The following ADAM23 variants were observed in gnomAD, a reference collection of about 807,000 sequenced individuals.
ADAM23 encodes ADAM metallopeptidase domain 23.
In ADAM23, 33 loss-of-function variants were observed where a neutral mutation model predicts 120.1. The observed-to-expected ratio is 0.27, with a 90% CI of 0.21 to 0.37. The LOEUF (loss-of-function observed/expected upper bound fraction) is 0.37, where lower values mean the gene tolerates loss of function less well. Among genes scored for constraint, ADAM23 ranks in the 10% least tolerant of loss-of-function variants. The pLI is 1.00. For missense variants in ADAM23, 862 were observed against 1,058.2 expected (o/e 0.81, Z 2.57); for synonymous variants, 367 against 375.2 (o/e 0.98, Z 0.25).
intron 24 of ADAM23, among the ~76,000 whole-genome samples, chr2:206,599,139 AG>A (rs958140304): frequency 6.8e-6 from 1 of 147,782 alleles, no homozygotes; most frequent in African/African-American, 2.5e-5. Context: ...CAGGAGGTGG[AG>A]GTTACAGTGA....
chr2:206,546,887 G>A (rs1187402459), intron 6 of ADAM23, among the ~76,000 whole-genome samples: 2 of 152,078 alleles, frequency 1.3e-5, no homozygotes, highest in Non-Finnish European at 2.9e-5. Context: ...ATTCCTAAAA[G>A]CATAATTTCT....
chr2:206,605,313 A>G (rs1186172387), intron 24 of ADAM23, among the ~76,000 whole-genome samples: 1 of 152,220 alleles, frequency 6.6e-6, no homozygotes, highest in Non-Finnish European at 1.5e-5. Flanking sequence ...TTTACTTTTA[A>G]AGCTATTCTG....
chr2:206,579,803 G>A (rs1698186713), intron 18 of ADAM23, among the ~76,000 whole-genome samples: 1 of 152,138 alleles, frequency 6.6e-6, no homozygotes, highest in South Asian at 2.1e-4. Context: ...TGTTGAATTT[G>A]TAGATTGCTT....
At chr2:206,594,161 C>T (rs1698476510) in intron 22 of ADAM23, among the ~76,000 whole-genome samples, 1 of 151,920 alleles carries the variant, frequency 6.6e-6, no homozygotes, top group South Asian at 2.1e-4. Context: ...CATTCTATGA[C>T]ATTTGCACAA....
intron 2 of ADAM23, among the ~76,000 whole-genome samples, chr2:206,466,041 C>G (rs888532478): frequency 6.6e-6 from 1 of 151,976 alleles, no homozygotes; most frequent in African/African-American, 2.4e-5. Flanking sequence ...TTTAAAAATT[C>G]CTAAAATGAG....
intron 4 of ADAM23, among the ~76,000 whole-genome samples, chr2:206,539,728 CTCTT>C (rs1697252671): frequency 6.6e-6 from 1 of 152,140 alleles, no homozygotes. Flanking sequence ...AGATGGATTG[CTCTT>C]TCTCTCTCAG....
At chr2:206,547,395 G>A in intron 6 of ADAM23, 34 bp from the exon 7 acceptor site, 1 of 1,570,218 alleles carries the variant, frequency 6.4e-7, no homozygotes, top group Non-Finnish European at 8.7e-7. Context: ...TTCACATCTT[G>A]CTTTCTAAAT....
intron 3 of ADAM23, among the ~76,000 whole-genome samples, chr2:206,505,018 G>A (rs1290300681): frequency 2.6e-5 from 4 of 152,222 alleles, no homozygotes; most frequent in Non-Finnish European, 5.9e-5. Flanking sequence ...GAGGTCTTCA[G>A]TACCAGATTT....
chr2:206,556,260 A>G (rs1247798719), intron 9 of ADAM23, among the ~76,000 whole-genome samples: 1 of 152,054 alleles, frequency 6.6e-6, no homozygotes, highest in Non-Finnish European at 1.5e-5. Flanking sequence ...AAAAATAAAC[A>G]TTAGATATGT....
intron 11 of ADAM23, among the ~76,000 whole-genome samples, chr2:206,560,514 C>G (rs565426090): frequency 6.6e-6 from 1 of 152,224 alleles, no homozygotes; most frequent in Admixed American, 6.5e-5. Context: ...AAATCATTTG[C>G]TAGGTGTTAG....
chr2:206,507,344 G>C (rs1696516166), intron 3 of ADAM23, among the ~76,000 whole-genome samples: 2 of 152,074 alleles, frequency 1.3e-5, no homozygotes, highest in Non-Finnish European at 2.9e-5. Context: ...ATCCCCCTGG[G>C]TACTGTCCTC....
chr2:206,464,581 A>AAT (rs1553546803), intron 2 of ADAM23, among the ~76,000 whole-genome samples: 2 of 151,908 alleles, frequency 1.3e-5, no homozygotes, highest in African/African-American at 2.4e-5. Context: ...TCAAAAAAAA[A>AAT]AATAATAATA....
At chr2:206,548,970 A>C (rs1697457500) in intron 8 of ADAM23, among the ~76,000 whole-genome samples, 1 of 152,108 alleles carries the variant, frequency 6.6e-6, no homozygotes, top group African/African-American at 2.4e-5. Context: ...TTTGTAATTG[A>C]AATTATGTTT....
At chr2:206,511,298 C>T (rs1696617310) in intron 3 of ADAM23, among the ~76,000 whole-genome samples, 1 of 152,122 alleles carries the variant, frequency 6.6e-6, no homozygotes, top group South Asian at 2.1e-4. Flanking sequence ...CCTCTGTTTT[C>T]TTATGATGCA....
intron 3 of ADAM23, among the ~76,000 whole-genome samples, chr2:206,504,020 A>G (rs1696444618): frequency 1.3e-5 from 2 of 152,194 alleles, no homozygotes; most frequent in Admixed American, 6.5e-5. Context: ...AGTTTTACAC[A>G]TTAAGTAGGT....
chr2:206,526,984 A>G (rs1389200718), intron 3 of ADAM23, among the ~76,000 whole-genome samples: 1 of 152,044 alleles, frequency 6.6e-6, no homozygotes, highest in African/African-American at 2.4e-5. Flanking sequence ...ACTTTCTTTC[A>G]CTGGCTTGAA....
chr2:206,467,670 G>A (rs760062369), intron 2 of ADAM23, among the ~76,000 whole-genome samples: 1 of 152,196 alleles, frequency 6.6e-6, no homozygotes, highest in African/African-American at 2.4e-5. Context: ...CTTCAGGATG[G>A]TGACCCCTTC....
chr2:206,620,223 C>T lies in ADAM23; in HGVS notation c.*2596C>T, dbSNP rs1011751150. The T allele has an allele frequency of 3.9e-5, 6 of 152,114 alleles. No homozygotes were observed. The highest frequency in any genetic ancestry group is 8.8e-5 in the Non-Finnish European group (6 of 68,024). 9.4% of individuals were successfully genotyped at this position (152,114 alleles called of 1,614,324 possible). A position where few individuals can be genotyped will look rare whatever the true frequency, so the allele number is the denominator to read the frequency against. On this transcript the variant is annotated 3_prime_UTR_variant, in exon 26 of 26. Transcript: ENST00000264377. ...ACAACATTGTAAATGTGCGATGTTA[C>T]GTTTTAAATCAGACCACAGTGGTCC... is the stretch of plus-strand genomic sequence containing the variant.
At chr2:206,477,897 A>AAAAATATATATATATATATATATATATAT (rs374524658) in intron 2 of ADAM23, among the ~76,000 whole-genome samples, 1 of 93,576 alleles carries the variant, frequency 1.1e-5, no homozygotes, top group Non-Finnish European at 2.0e-5. Flanking sequence ...AAAAAAAAAA[A>AAAAATATATATATATATATATATATATAT]ATATATATAT....
Sources: gnomAD v4.1 joint callset for allele counts (sites outside exome capture counted in the v4.1 genomes callset) on GRCh38, gnomAD v4.1.1 for gene constraint, MANE v1.5 for transcripts, NCBI Gene and HGNC (gene_info 2026-07-23, HGNC 2026-07-21) for gene names.